The following CCDC187 variants were observed in gnomAD, a reference collection of about 807,000 sequenced individuals.
CCDC187 encodes coiled-coil domain containing 187, also known as coiled-coil domain-containing protein 187.
Under a neutral mutation model 38.0 loss-of-function variants are expected in CCDC187, and 32 were observed. The observed-to-expected ratio is 0.84, with a 90% CI of 0.64 to 1.13. The LOEUF is 1.13. Among genes scored for constraint, CCDC187 ranks in the 50% most tolerant of loss-of-function variants. The probability of loss-of-function intolerance (pLI) is 0.00; values close to 1 mark genes in which losing one functional copy is unlikely to be tolerated. For synonymous variants in CCDC187, 333 were observed against 347.9 expected (o/e 0.96, Z 0.48); for missense variants, 707 against 786.8 (o/e 0.90, Z 1.21).
intron 5 of CCDC187, 67 bp from the exon 6 acceptor site, chr9:136,291,712 C>G: frequency 2.5e-6 from 1 of 398,526 alleles, no homozygotes; most frequent in Non-Finnish European, 4.4e-6. Context: ...GCTCCTCCAT[C>G]CGGGCTGGAG....
At position 136,258,015 on chromosome 9, in the gene CCDC187, C is replaced by T. The variant is rs886984877; in HGVS notation, c.4366+917G>A. Reference sequence around the variant, plus strand: ...ACCCATGGTGGGTGCAGGCGCCTGGCTGGCCCCCCGAACGGTGACAGCTGG... The same window carrying T: ...ACCCATGGTGGGTGCAGGCGCCTGGTTGGCCCCCCGAACGGTGACAGCTGG... On this transcript the variant is annotated intron_variant, in intron 22 of 25. Transcript: ENST00000638797. This position sits in a 1 kb window ranked among gnomAD's most constrained non-coding sequence, Gnocchi z 4.3. Among the ~76,000 whole-genome samples the T allele has an allele frequency of 6.6e-6, 1 of 152,224 alleles. No individual in the cohort carries two copies. The highest frequency in any genetic ancestry group is 2.4e-5 in the African/African-American group (1 of 41,462).
Position 136,264,966 on chromosome 9 carries a change from T to C in CCDC187, c.3735+990A>G, listed in dbSNP as rs1830727422. Among the ~76,000 whole-genome samples, 1 of 152,202 alleles carries C rather than the reference T, an allele frequency of 6.6e-6. No individual in the cohort carries two copies. The highest frequency in any genetic ancestry group is 1.5e-5 in the Non-Finnish European group (1 of 68,024). On this transcript the variant is annotated intron_variant, in intron 17 of 25. Transcript: ENST00000638797. The surrounding 1 kb of genome is among the most constrained non-coding windows in gnomAD (Gnocchi z 4.3). ...GGGGTCTTGCTATGTTGCCCAGGCC[T>C]GTCTCACATTCCTGGGCTCAAGCGA...
chr9:136,306,263 T>C (rs925326519), upstream of CCDC187, among the ~76,000 whole-genome samples: 3,130 of 152,250 alleles, frequency 0.021, 86 homozygotes, highest in African/African-American at 0.058. Context: ...GCTGGGTCCG[T>C]ACCCATTCAG....
At position 136,251,126 on chromosome 9, in the gene CCDC187, G is replaced by A. The variant is rs1830531121; in HGVS notation, c.*2468C>T. On this transcript the variant is annotated 3_prime_UTR_variant, in exon 26 of 26. Coordinates refer to ENST00000638797, the MANE Select transcript of CCDC187 (RefSeq NM_001378188.1). Reference sequence around the variant, plus strand: ...GAGAAGCCACATCCTGGAAGGATCAGTGCTGGGACACAGATGTCCCTAAGG... The same window carrying A: ...GAGAAGCCACATCCTGGAAGGATCAATGCTGGGACACAGATGTCCCTAAGG... 2.3e-6 allele frequency: 1 copy of A among 433,762 alleles called. No individual in the cohort carries two copies. Among genetic ancestry groups the A allele is most frequent in the African/African-American group, 2.0e-5 (1 of 49,606 alleles). The allele number at this position is 433,762 out of a possible 1,614,324, so 26.9% of individuals were successfully genotyped here.
intron 4 of CCDC187, among the ~76,000 whole-genome samples, chr9:136,292,938 C>T (rs1831371430): frequency 6.6e-6 from 1 of 152,238 alleles, no homozygotes; most frequent in Non-Finnish European, 1.5e-5. Context: ...CAAATGGCAT[C>T]ATGCAGTGAG....
chr9:136,275,658 C>G (rs1830918138), intron 12 of CCDC187, among the ~76,000 whole-genome samples: 1 of 152,228 alleles, frequency 6.6e-6, no homozygotes, highest in Non-Finnish European at 1.5e-5. Flanking sequence ...CGATCAATCC[C>G]CTGCCAGGGT....
At chr9:136,285,769 G>A in intron 8 of CCDC187, 163 bp from the exon 9 acceptor site, 1 of 397,448 alleles carries the variant, frequency 2.5e-6, no homozygotes, top group Non-Finnish European at 4.4e-6. Context: ...GAAGGGCAGG[G>A]AGGCAGCAGG....
At chr9:136,275,742 C>G (rs1372409330) in intron 12 of CCDC187, among the ~76,000 whole-genome samples, 1 of 152,222 alleles carries the variant, frequency 6.6e-6, no homozygotes, top group African/African-American at 2.4e-5. Flanking sequence ...GTGGGAGCTG[C>G]CTTTCGGAGG....
chr9:136,293,227 A>G (rs1053310895), intron 4 of CCDC187, among the ~76,000 whole-genome samples: 10 of 144,598 alleles, frequency 6.9e-5, no homozygotes, highest in African/African-American at 2.4e-4. Flanking sequence ...ACACACTCAC[A>G]CTCACACGCT....
At chr9:136,285,311 C>T (rs1831149187) in intron 9 of CCDC187, among the ~76,000 whole-genome samples, 1 of 152,126 alleles carries the variant, frequency 6.6e-6, no homozygotes, top group South Asian at 2.1e-4. Context: ...GGCTTCCCTG[C>T]CCCGGCCAGC....
rs1020594041 is a variant in CCDC187 at position 136,256,248 on chromosome 9, A to T, written c.4579T>A (p.Ser1527Thr). 1.0e-6 allele frequency: 1 copy of T among 984,946 alleles called. No homozygotes were observed. The highest frequency in any genetic ancestry group is 1.2e-6 in the Non-Finnish European group (1 of 829,900). 61.0% of individuals were successfully genotyped at this position (984,946 alleles called of 1,614,324 possible). Residue 1527 changes from serine (S) to threonine (T), a missense_variant, in exon 24 of 26, where the codon TCC (serine) becomes ACC (threonine). Coordinates refer to ENST00000638797, the MANE Select transcript of CCDC187 (RefSeq NM_001378188.1). The stretch of plus-strand genomic sequence containing the variant: ...GATCGCCAGCTCTCGGTTTCCTGGG[A>T]CTCCTCCACGGGGCTCTCAGCAAAA... ...LDFAESPVEE[S>T]QETESWRSGE...
chr9:136,293,703 G>GTCACATGCTTTCAAATGCTCAC (rs1392322690), intron 4 of CCDC187, among the ~76,000 whole-genome samples: 3 of 148,396 alleles, frequency 2.0e-5, no homozygotes, highest in Non-Finnish European at 3.0e-5. Flanking sequence ...CACATGCTCA[G>GTCACATGCTTTCAAATGCTCAC]TCACATGCTT....
intron 2 of CCDC187, 137 bp from the exon 3 acceptor site, chr9:136,300,455 C>T: frequency 5.2e-6 from 2 of 385,494 alleles, no homozygotes; most frequent in East Asian, 3.7e-5. Context: ...ACTCTGTCAC[C>T]CAAGCTGGAG....
intron 14 of CCDC187, among the ~76,000 whole-genome samples, chr9:136,274,422 C>G (rs1196191699): frequency 6.6e-6 from 1 of 152,252 alleles, no homozygotes; most frequent in Non-Finnish European, 1.5e-5. Context: ...TAACCCAGTT[C>G]CCCGGGCTCA....
chr9:136,293,752 T>C (rs1407084400), intron 4 of CCDC187, among the ~76,000 whole-genome samples: 1 of 148,544 alleles, frequency 6.7e-6, no homozygotes, highest in African/African-American at 2.5e-5. Context: ...GCACACACAC[T>C]TGTACACACT....
rs566987451 is a variant in CCDC187, at chr9:136,254,439, C to T, written c.5389G>A (p.Val1797Met). The T allele has an allele frequency of 4.7e-4, 466 of 985,226 alleles. No individual in the cohort carries two copies. Among genetic ancestry groups the T allele is most frequent in the Non-Finnish European group, 5.3e-4 (439 of 829,878 alleles). The allele number at this position is 985,226 out of a possible 1,614,324, so 61.0% of individuals were successfully genotyped here. ...GAGGGAGGAGCCACCTGGGGCTCCA[C>T]GCCGCTTCCAAGGCCCAGTGAGCCA... Reference protein sequence around the residue: ...AGGSLGLGSGVEPQVAPPSPR... With the variant: ...AGGSLGLGSGMEPQVAPPSPR... The change falls in exon 26 of 26, where the codon GTG becomes ATG. Residue 1797 changes from valine (V) to methionine (M), a missense_variant. Transcript: ENST00000638797.
In CCDC187 at chr9:136,255,048, C is replaced by T; in HGVS notation, c.4780G>A (p.Gly1594Ser). The T allele has an allele frequency of 1.0e-6, 1 of 985,582 alleles. No homozygotes were observed. The highest frequency in any genetic ancestry group is 1.2e-6 in the Non-Finnish European group (1 of 830,050). 61.1% of individuals were successfully genotyped at this position (985,582 alleles called of 1,614,324 possible). A position where few individuals can be genotyped will look rare whatever the true frequency, so the allele number is the denominator to read the frequency against. ...CAGGTTCCAGAAGCAGACTCAGAGCCTGGACCGCAGGAGGAGGTGGTGGGG... is the reference window on the plus strand; with the variant it reads ...CAGGTTCCAGAAGCAGACTCAGAGCTTGGACCGCAGGAGGAGGTGGTGGGG... ...LLPTTSSCGP[G>S]SESASGTCWG... is the part of the protein sequence containing the mutation. Residue 1594 changes from glycine to serine, a missense_variant, in exon 26 of 26, where the codon GGC (glycine) becomes AGC (serine). Physicochemically the swap from Gly to Ser is moderately conservative, Grantham distance 56. Transcript: ENST00000638797.
rs1830767701 is a variant in CCDC187 at position 136,267,483 on chromosome 9, T to G, written c.3548A>C (p.Glu1183Ala). 1 of 985,658 alleles carries G rather than the reference T, an allele frequency of 1.0e-6. No individual in the cohort carries two copies. The highest frequency in any genetic ancestry group is 1.2e-6 in the Non-Finnish European group (1 of 830,106). 61.1% of individuals were successfully genotyped at this position (985,658 alleles called of 1,614,324 possible). The change falls in exon 16 of 26, where the codon GAG becomes GCG. Residue 1183 changes from glutamate (E) to alanine (A), a missense_variant. Transcript: ENST00000638797. The part of the protein sequence containing the change: ...QMLERSLREE[E>A]LRAQHQAALL... ...CGCGGCCTGGTGCTGTGCTCGCAGC[T>G]CCTCCTCCCGCAGGCTCCGCTCCAG... is the stretch of plus-strand genomic sequence containing the variant.
intron 4 of CCDC187, 51 bp downstream of exon 4, chr9:136,297,663 C>A (rs2131348512): frequency 2.5e-6 from 1 of 399,458 alleles, no homozygotes; most frequent in East Asian, 3.6e-5. Flanking sequence ...ACCTAGAGTG[C>A]CAGGATCATA....
Sources: allele counts gnomAD v4.1 joint callset (sites outside exome capture counted in the v4.1 genomes callset), GRCh38; gene constraint gnomAD v4.1.1; non-coding constraint Gnocchi (gnomAD v3.1); transcripts MANE v1.5; gene names NCBI Gene and HGNC (gene_info 2026-07-23, HGNC 2026-07-21).